The following TLE2 variants were observed in gnomAD, a reference collection of about 807,000 sequenced individuals.
TLE2 encodes TLE family member 2, transcriptional corepressor, also known as transducin-like enhancer protein 2.
A neutral mutation model predicts 97.2 loss-of-function variants in TLE2; 74 were observed. That is an observed-to-expected ratio of 0.76 (90% CI 0.63 to 0.92). The LOEUF is 0.92. Among genes scored for constraint, TLE2 ranks in the 40% least tolerant of loss-of-function variants. The probability of loss-of-function intolerance (pLI) is 0.00; values close to 1 mark genes in which losing one functional copy is unlikely to be tolerated. For synonymous variants in TLE2, 499 were observed against 432.1 expected (o/e 1.15, Z -1.92); for missense variants, 1,038 against 1,008.7 (o/e 1.03, Z -0.39).
At position 3,018,858 on chromosome 19, in the gene TLE2, T is replaced by C. The variant is rs2089775475; in HGVS notation, c.550+425A>G. 2.0e-5 allele frequency among the ~76,000 whole-genome samples: 3 copies of C among 152,036 alleles called. No homozygotes were observed. In the South Asian group the frequency reaches 6.2e-4, roughly 32 times the overall value. The stretch of plus-strand genomic sequence containing the variant: ...CTCTCGAACTCCTGGCCTCAGGTGA[T>C]CCAGCCACCTCGGCCTCCCAAAGTG... On this transcript the variant is annotated intron_variant, in intron 7 of 19. Transcript: ENST00000262953.
rs768728536 is a variant in TLE2 at position 3,023,663 on chromosome 19, C to T, written c.294+1357G>A. Among the ~76,000 whole-genome samples, 8 of 152,112 alleles carry T rather than the reference C, an allele frequency of 5.3e-5. No individual in the cohort carries two copies. The East Asian group carries it at 9.7e-4, about 19-fold the overall frequency. On this transcript the variant is annotated intron_variant, in intron 5 of 19. Transcript: ENST00000262953. ...TAAACCCAACACTCGGAGCCTGACA[C>T]GGGCGGATTGCTTGAGTCCGGGGGT...
intron 8 of TLE2, 61 bp downstream of exon 8, chr19:3,017,779 C>T (rs1299983306): frequency 6.4e-7 from 1 of 1,555,126 alleles, no homozygotes; most frequent in Non-Finnish European, 8.8e-7. Flanking sequence ...CCCCCATCAG[C>T]TCAGAACCAG....
rs757124511 is a variant in TLE2 at position 2,997,791 on chromosome 19, C to G, written c.*57G>C. On this transcript the variant is annotated 3_prime_UTR_variant, in exon 20 of 20. Coordinates refer to ENST00000262953, the MANE Select transcript of TLE2 (RefSeq NM_003260.5). ...GGAGGCGGCTGCTAGGATGTCTGTC[C>G]TGGCTGCTGATTCCCCTGGGAGTCT... 4 of 1,328,826 alleles carry G rather than the reference C, an allele frequency of 3.0e-6. No homozygotes were observed. The highest frequency in any genetic ancestry group is 4.2e-6 in the Non-Finnish European group (4 of 941,782). 82.3% of individuals were successfully genotyped at this position (1,328,826 alleles called of 1,614,324 possible). A position where few individuals can be genotyped will look rare whatever the true frequency, so the allele number is the denominator to read the frequency against.
chr19:3,017,134 T>G (rs1436651416), intron 8 of TLE2, among the ~76,000 whole-genome samples: 1 of 151,562 alleles, frequency 6.6e-6, no homozygotes, highest in African/African-American at 2.4e-5. Context: ...TTTATTGTTG[T>G]GGTTGCTGTT....
intron 1 of TLE2, among the ~76,000 whole-genome samples, chr19:3,038,333 G>A (rs80301864): frequency 0.034 from 5,196 of 152,004 alleles, 316 homozygotes; most frequent in African/African-American, 0.12. Flanking sequence ...CTCAGCCTCC[G>A]GAGTAGCTGG....
At chr19:3,011,786 G>A (rs1270395530) in intron 11 of TLE2, among the ~76,000 whole-genome samples, 2 of 147,918 alleles carry the variant, frequency 1.4e-5, no homozygotes, top group Non-Finnish European at 3.0e-5. Context: ...GGAGGCAGAG[G>A]TTGCAGTGAG....
intron 1 of TLE2, among the ~76,000 whole-genome samples, chr19:3,037,440 C>A (rs768659265): frequency 3.9e-5 from 6 of 152,242 alleles, no homozygotes; most frequent in Non-Finnish European, 5.9e-5. Flanking sequence ...CAGCCTTAAG[C>A]CCTTTCCTGT....
At chr19:3,009,887 C>T (rs216285) in intron 12 of TLE2, among the ~76,000 whole-genome samples, 185 bp from the exon 13 acceptor site, 95,487 of 148,372 alleles carry the variant, frequency 0.64, 31,441 homozygotes, top group African/African-American at 0.78. Context: ...TTCTCTCTCT[C>T]TTTTTTTCTT....
At chr19:3,018,295 CATTTATTT>C (rs376936723) in intron 7 of TLE2, among the ~76,000 whole-genome samples, 10 of 151,452 alleles carry the variant, frequency 6.6e-5, no homozygotes, top group Admixed American at 2.0e-4. Flanking sequence ...CCATGCTTGG[CATTTATTT>C]ATTTATTTAT....
At chr19:3,023,994 C>CT (rs372319602) in intron 5 of TLE2, among the ~76,000 whole-genome samples, 22,862 of 123,028 alleles carry the variant, frequency 0.19, 2,473 homozygotes, top group African/African-American at 0.24. Flanking sequence ...GAAGAGCTAA[C>CT]TTTTTTTTTT....
At chr19:3,047,172 A>T (rs7258928), upstream of TLE2, among the ~76,000 whole-genome samples, 2 of 52,150 alleles carry the variant, frequency 3.8e-5, no homozygotes, top group Non-Finnish European at 7.6e-5. Flanking sequence ...CCCTCCCCCT[A>T]CCCTCCCCCG....
At chr19:3,034,721 A>G (rs1235137415) in intron 1 of TLE2, among the ~76,000 whole-genome samples, 1 of 151,860 alleles carries the variant, frequency 6.6e-6, no homozygotes, top group African/African-American at 2.4e-5. Context: ...ACTGGATATA[A>G]ACTGCTTGGT....
chr19:3,021,749 AT>A (rs910607597), intron 5 of TLE2, among the ~76,000 whole-genome samples: 1 of 151,444 alleles, frequency 6.6e-6, no homozygotes, highest in Non-Finnish European at 1.5e-5. Flanking sequence ...CACCCAACTA[AT>A]TTTCATACTT....
intron 11 of TLE2, among the ~76,000 whole-genome samples, chr19:3,011,397 T>C (rs905491449): frequency 2.6e-5 from 4 of 151,020 alleles, no homozygotes; most frequent in African/African-American, 9.8e-5. Flanking sequence ...CCGGGCGTGG[T>C]GGCATGTGCC....
At chr19:3,033,375 G>T (rs1763232692), upstream of TLE2, among the ~76,000 whole-genome samples, 1 of 151,994 alleles carries the variant, frequency 6.6e-6, no homozygotes, top group Non-Finnish European at 1.5e-5. Context: ...CACCATGTTA[G>T]TCAGGATGGT....
chr19:3,034,711 A>G (rs2090049869), intron 1 of TLE2, among the ~76,000 whole-genome samples: 1 of 151,508 alleles, frequency 6.6e-6, no homozygotes, highest in African/African-American at 2.4e-5. Context: ...ACATACACAC[A>G]CTGGATATAA....
rs150174941 is a variant in TLE2 at position 3,038,452 on chromosome 19, G to A, written c.63+7274C>T. On this transcript the variant is annotated intron_variant, in intron 1 of 18. Transcript: ENST00000426948. ...GGTCTTCAACTCCTGGGCTCAAGCA[G>A]TCCTCTTCCCTCAGCTTCACAGAGT... Among the ~76,000 whole-genome samples the A allele has an allele frequency of 9.6e-3, 1,465 of 152,340 alleles. 15 individuals are homozygous for A. The highest frequency in any genetic ancestry group is 0.027 in the East Asian group (139 of 5,182).
intron 10 of TLE2, 88 bp downstream of exon 10, chr19:3,014,482 C>T (rs1017253680): frequency 1.6e-5 from 20 of 1,267,884 alleles, no homozygotes; most frequent in Non-Finnish European, 2.0e-5. Flanking sequence ...AACCAGGATC[C>T]CCACTACCTC....
intron 7 of TLE2, among the ~76,000 whole-genome samples, chr19:3,018,785 T>C (rs1286667257): frequency 6.6e-6 from 1 of 151,522 alleles, no homozygotes; most frequent in Non-Finnish European, 1.5e-5. Flanking sequence ...TGCCTAATTT[T>C]TTTTGTATTT....
Sources: gnomAD v4.1 joint callset for allele counts (sites outside exome capture counted in the v4.1 genomes callset) on GRCh38, gnomAD v4.1.1 for gene constraint, MANE v1.5 for transcripts, NCBI Gene and HGNC (gene_info 2026-07-23, HGNC 2026-07-21) for gene names.